ZNF721: variants seen among roughly 807,000 people sequenced by gnomAD.
ZNF721 encodes the protein zinc finger protein 721.
ZNF721 carries 2 observed loss-of-function variants against 2.4 expected under a neutral mutation model. That is an observed-to-expected ratio of 0.82 (90% CI 0.34 to 2.58). ZNF721 has a LOEUF of 2.58. Ranked by LOEUF, ZNF721 falls within the 30% of genes most tolerant of loss-of-function variation. The pLI, the probability that ZNF721 is intolerant of heterozygous loss-of-function variation, is 0.11. For synonymous variants in ZNF721, 398 were observed against 381.8 expected (o/e 1.04, Z -0.50); for missense variants, 1,187 against 1,085.5 (o/e 1.09, Z -1.31).
At position 440,074 on chromosome 4, in the gene ZNF721, C is replaced by CTTA. The variant is rs568030144; in HGVS notation, c.*1618_*1620dup. 239 of 152,282 alleles carry CTTA rather than the reference C, an allele frequency of 1.6e-3. No homozygotes were observed. Among genetic ancestry groups the CTTA allele is most frequent in the African/African-American group, 5.7e-3 (235 of 41,562 alleles). The allele number at this position is 152,282 out of a possible 1,614,324, so 9.4% of individuals were successfully genotyped here. On this transcript the variant is annotated 3_prime_UTR_variant, in exon 3 of 3. Coordinates refer to ENST00000511833, the MANE Select transcript of ZNF721 (RefSeq NM_133474.4). ...TTAAAATTTACTGCATTTTATTGCACTTATTACATAAATATACAGTTGGCA... is the reference window on the plus strand; with the variant it reads ...TTAAAATTTACTGCATTTTATTGCACTTATTATTACATAAATATACAGTTGGCA...
At chr4:479,554 G>T (rs1383838977) in intron 1 of ZNF721, among the ~76,000 whole-genome samples, 1 of 152,258 alleles carries the variant, frequency 6.6e-6, no homozygotes, top group African/African-American at 2.4e-5. Flanking sequence ...GGACCAGGGG[G>T]CTGCAGGCAC....
At chr4:468,140 G>A (rs1715314108) in intron 2 of ZNF721, among the ~76,000 whole-genome samples, 5 of 152,082 alleles carry the variant, frequency 3.3e-5, no homozygotes, top group African/African-American at 2.4e-5. Flanking sequence ...GGTGACGGGC[G>A]CCTTTAGTCC....
chr4:480,823 T>TGG (rs781937085), intron 1 of ZNF721, among the ~76,000 whole-genome samples: 2,585 of 91,238 alleles, frequency 0.028, 115 homozygotes, highest in African/African-American at 0.054. Flanking sequence ...TCACCTTTTG[T>TGG]GGGGGGGGGG....
chr4:457,488 G>A (rs940914427), intron 2 of ZNF721, among the ~76,000 whole-genome samples: 1 of 152,176 alleles, frequency 6.6e-6, no homozygotes, highest in African/African-American at 2.4e-5. Context: ...AGACCATTTG[G>A]TTTTGTTCCT....
chr4:477,280 A>G (rs572988622), intron 1 of ZNF721, among the ~76,000 whole-genome samples: 4 of 89,646 alleles, frequency 4.5e-5, no homozygotes, highest in African/African-American at 9.4e-5. Flanking sequence ...TTTTTTTTGG[A>G]GACAGAGTCT....
chr4:448,409 C>T (rs1553864431), intron 2 of ZNF721, among the ~76,000 whole-genome samples: 1 of 150,070 alleles, frequency 6.7e-6, no homozygotes, highest in East Asian at 2.0e-4. Context: ...GCACTCCAGC[C>T]TGGGTGACAG....
chr4:442,459 T>G lies in ZNF721; in HGVS notation c.2008A>C (p.Lys670Gln), dbSNP rs782125614. Residue 670 changes from lysine to glutamine, a missense_variant, in exon 3 of 3, where the codon AAA (lysine) becomes CAA (glutamine). Physicochemically the swap from Lys to Gln is moderately conservative, Grantham distance 53 (BLOSUM62 1). Coordinates refer to ENST00000511833, the MANE Select transcript of ZNF721 (RefSeq NM_133474.4). The part of the protein sequence containing the change: ...TKILTGEQSY[K>Q]CEECGKAFGW... ...AAGGCTTTGCCACACTCTTCACATT[T>G]GTAACTTTGCTCTCCAGTAAGAATT... 2.5e-6 allele frequency: 4 copies of G among 1,613,844 alleles called. No individual in the cohort carries two copies. The highest frequency in any genetic ancestry group is 3.4e-6 in the Non-Finnish European group (4 of 1,179,860).
At chr4:470,643 G>A (rs560063540) in intron 2 of ZNF721, among the ~76,000 whole-genome samples, 35 of 152,176 alleles carry the variant, frequency 2.3e-4, no homozygotes, top group African/African-American at 7.7e-4. Context: ...GAACCCAGGA[G>A]GCAGAGATTG....
chr4:489,220 C>T (rs1395219082), intron 1 of ZNF721, among the ~76,000 whole-genome samples: 3 of 152,174 alleles, frequency 2.0e-5, no homozygotes, highest in Admixed American at 1.3e-4. Context: ...CCCAGGCATG[C>T]TCAGATCCAA....
chr4:457,222 A>C (rs1353399600), intron 2 of ZNF721, among the ~76,000 whole-genome samples: 1 of 152,238 alleles, frequency 6.6e-6, no homozygotes, highest in Non-Finnish European at 1.5e-5. Flanking sequence ...TTGACATAGA[A>C]TGTATCAGAA....
chr4:486,806 CA>C (rs1560244048), intron 1 of ZNF721, among the ~76,000 whole-genome samples: 1 of 152,204 alleles, frequency 6.6e-6, no homozygotes, highest in Non-Finnish European at 1.5e-5. Flanking sequence ...ACCCAATGCT[CA>C]GCAATTTTCT....
At chr4:486,753 C>G (rs1225809770) in intron 1 of ZNF721, among the ~76,000 whole-genome samples, 1 of 152,164 alleles carries the variant, frequency 6.6e-6, no homozygotes, top group Non-Finnish European at 1.5e-5. Context: ...CAAATTTCTC[C>G]TATGATAAAT....
chr4:482,118 C>T (rs1371034623), intron 1 of ZNF721, among the ~76,000 whole-genome samples: 1 of 152,214 alleles, frequency 6.6e-6, no homozygotes, highest in Non-Finnish European at 1.5e-5. Flanking sequence ...AATGCTCCCA[C>T]AGGTCGCATA....
At chr4:454,051 A>G (rs1337765664) in intron 2 of ZNF721, 3 of 152,102 alleles carry the variant, frequency 2.0e-5, no homozygotes, top group Admixed American at 6.5e-5. Context: ...AACTGTCAAC[A>G]CATACTCCAA....
intron 2 of ZNF721, among the ~76,000 whole-genome samples, chr4:451,478 G>A (rs1489890469): frequency 2.0e-5 from 3 of 152,104 alleles, no homozygotes. Flanking sequence ...GAAGCTTCAT[G>A]AGACCCCTCC....
At chr4:466,150 G>A (rs528967971) in intron 2 of ZNF721, among the ~76,000 whole-genome samples, 3 of 151,910 alleles carry the variant, frequency 2.0e-5, no homozygotes, top group African/African-American at 4.8e-5. Context: ...AGAACTCCTC[G>A]TTGGTTTTCC....
intron 1 of ZNF721, among the ~76,000 whole-genome samples, chr4:480,957 T>G (rs914215197): frequency 3.9e-5 from 6 of 152,126 alleles, no homozygotes; most frequent in African/African-American, 1.4e-4. Flanking sequence ...GCATCTTACT[T>G]TTCCACACAG....
At position 499,103 on chromosome 4, in the gene ZNF721, A is replaced by C. The variant is rs537095037; in HGVS notation, c.-141T>G. ...GCGGACTCGCCGGGAAGACGGCCCC[A>C]CGGAGCCGGGAACACCGCCCGCTGT... is the stretch of plus-strand genomic sequence containing the variant. On this transcript the variant is annotated 5_prime_UTR_variant, in exon 1 of 3. Transcript: ENST00000511833. 1 of 546,466 alleles carries C rather than the reference A, an allele frequency of 1.8e-6. No individual in the cohort carries two copies. The highest frequency in any genetic ancestry group is 2.5e-5 in the South Asian group (1 of 40,056). The allele number at this position is 546,466 out of a possible 1,614,324, so 33.9% of individuals were successfully genotyped here. A position where few individuals can be genotyped will look rare whatever the true frequency, so the allele number is the denominator to read the frequency against.
intron 2 of ZNF721, among the ~76,000 whole-genome samples, chr4:446,898 C>A (rs1714493922): frequency 6.6e-6 from 1 of 151,692 alleles, no homozygotes. Flanking sequence ...AACATGTTGA[C>A]CAGGATGGTC....
Sources: allele counts gnomAD v4.1 joint callset (sites outside exome capture counted in the v4.1 genomes callset), GRCh38; gene constraint gnomAD v4.1.1; transcripts MANE v1.5; gene names NCBI Gene and HGNC (gene_info 2026-07-23, HGNC 2026-07-21).